Variants in CSMD1 observed in about 807,000 individuals in gnomAD.
CSMD1 encodes CUB and Sushi multiple domains 1.
In CSMD1, 213 loss-of-function variants were observed where a neutral mutation model predicts 417.5. That is an observed-to-expected ratio of 0.51 (90% CI 0.46 to 0.57). The LOEUF is 0.57. Ranked by LOEUF, CSMD1 falls within the 20% of genes least tolerant of loss-of-function variation. The pLI is 0.00. For missense variants in CSMD1, 6,923 were observed against 4,529.7 expected (o/e 1.53, Z -15.17); for synonymous variants, 2,862 against 1,736.8 (o/e 1.65, Z -16.11).
At chr8:3,974,328 G>A (rs974037950) in intron 5 of CSMD1, among the ~76,000 whole-genome samples, 7 of 150,922 alleles carry the variant, frequency 4.6e-5, no homozygotes, top group African/African-American at 9.8e-5. Context: ...TGCCCCTTAA[G>A]CACTGTTTGA....
At chr8:4,517,534 A>C (rs935808238) in intron 2 of CSMD1, among the ~76,000 whole-genome samples, 1 of 152,230 alleles carries the variant, frequency 6.6e-6, no homozygotes, top group Non-Finnish European at 1.5e-5. Flanking sequence ...ACTGATTTCT[A>C]ACTCCCTTTA....
intron 26 of CSMD1, among the ~76,000 whole-genome samples, chr8:3,282,385 TG>T: frequency 6.6e-6 from 1 of 152,182 alleles, no homozygotes; most frequent in South Asian, 2.1e-4. Flanking sequence ...TAAAACCTGT[TG>T]AAAAAAATGC....
At chr8:3,293,440 C>G (rs1162488740) in intron 25 of CSMD1, among the ~76,000 whole-genome samples, 2 of 152,216 alleles carry the variant, frequency 1.3e-5, no homozygotes, top group Admixed American at 6.5e-5. Context: ...TGGTTCCATT[C>G]TCCCTGTCAC....
At chr8:3,948,768 A>G (rs959095182) in intron 5 of CSMD1, among the ~76,000 whole-genome samples, 6 of 152,226 alleles carry the variant, frequency 3.9e-5, no homozygotes, top group African/African-American at 1.2e-4. Context: ...GCATTTCTTC[A>G]ATATGACTAT....
In CSMD1 at chr8:4,096,771, A is replaced by C. The variant is rs533109878; in HGVS notation, c.416-64672T>G. 2.2e-4 allele frequency among the ~76,000 whole-genome samples: 33 copies of C among 151,152 alleles called. No homozygotes were observed. The East Asian group carries it at 6.2e-3, about 28-fold the overall frequency. ...TATGAGTTTTTTCCCTGCAATTTAG[A>C]AGACACTTGCGGAGTTGCACTCCGA... On this transcript the variant is annotated intron_variant, in intron 3 of 69. Transcript: ENST00000635120.
intron 1 of CSMD1, among the ~76,000 whole-genome samples, chr8:4,933,425 C>G (rs541286186): frequency 1.3e-5 from 2 of 152,260 alleles, no homozygotes; most frequent in African/African-American, 4.8e-5. Context: ...TATTTTGGGT[C>G]TTTGTGTCAA....
intron 5 of CSMD1, among the ~76,000 whole-genome samples, chr8:3,799,598 G>C (rs1240138186): frequency 1.3e-5 from 2 of 151,508 alleles, no homozygotes; most frequent in Non-Finnish European, 2.9e-5. Context: ...ACTTTTCATT[G>C]GTACAGTAAA....
At chr8:4,164,550 G>C (rs1020245093) in intron 3 of CSMD1, among the ~76,000 whole-genome samples, 2 of 152,028 alleles carry the variant, frequency 1.3e-5, no homozygotes, top group Non-Finnish European at 2.9e-5. Context: ...TGTTGTATAA[G>C]CCACCAAGCC....
At position 2,965,925 on chromosome 8, in the gene CSMD1, C is replaced by T. The variant is rs756868753; in HGVS notation, c.9130G>A (p.Ala3044Thr). ...IISCGDPGTL[A>T]NGIQFGTDFT... ...TCGGTCCCAAACTGGATGCCATTTG[C>T]TAGTGTGCCTGGATCCCCACAACTT... Residue 3044 changes from alanine (A) to threonine (T), a missense_variant, in exon 59 of 70, where the codon GCA (alanine) becomes ACA (threonine). Ala to Thr is a moderately conservative substitution (Grantham distance 58, BLOSUM62 0). Coordinates refer to ENST00000635120, the MANE Select transcript of CSMD1 (RefSeq NM_033225.6). 1 of 1,608,676 alleles carries T rather than the reference C, an allele frequency of 6.2e-7. No homozygotes were observed. Among genetic ancestry groups the T allele is most frequent in the Non-Finnish European group, 8.5e-7 (1 of 1,177,530 alleles).
At chr8:3,430,255 A>G (rs1814132034) in intron 12 of CSMD1, among the ~76,000 whole-genome samples, 1 of 152,164 alleles carries the variant, frequency 6.6e-6, no homozygotes, top group Non-Finnish European at 1.5e-5. Flanking sequence ...TTATTACATC[A>G]TTATTATCAA....
chr8:4,619,873 G>C (rs774069039), intron 2 of CSMD1, among the ~76,000 whole-genome samples: 15 of 151,870 alleles, frequency 9.9e-5, no homozygotes, highest in Non-Finnish European at 1.9e-4. Context: ...GTCATTTTAG[G>C]ACAATTACAG....
chr8:4,175,883 C>T (rs1798011128), intron 3 of CSMD1, among the ~76,000 whole-genome samples: 1 of 152,028 alleles, frequency 6.6e-6, no homozygotes, highest in Non-Finnish European at 1.5e-5. Flanking sequence ...TAATGGGGTC[C>T]AGTTGATTTC....
At chr8:4,082,334 T>C (rs1585274569) in intron 3 of CSMD1, among the ~76,000 whole-genome samples, 1 of 152,192 alleles carries the variant, frequency 6.6e-6, no homozygotes, top group South Asian at 2.1e-4. Context: ...ACAAACTTTT[T>C]TAAAGTTAAA....
At chr8:4,830,686 T>C (rs948886018) in intron 1 of CSMD1, among the ~76,000 whole-genome samples, 2 of 152,232 alleles carry the variant, frequency 1.3e-5, no homozygotes, top group Admixed American at 1.3e-4. Context: ...TGCCAACTAA[T>C]GCCAATGGCA....
Position 4,193,322 on chromosome 8 carries a change from G to A in CSMD1, c.416-161223C>T, listed in dbSNP as rs545725590. Reference sequence around the variant, plus strand: ...CCATAATGAAAACCTTGCTTTCAAAGAACGTCCTCCAATAAAAAAAATACT... The same window carrying A: ...CCATAATGAAAACCTTGCTTTCAAAAAACGTCCTCCAATAAAAAAAATACT... On this transcript the variant is annotated intron_variant, in intron 3 of 69. Transcript: ENST00000635120. Among the ~76,000 whole-genome samples the A allele has an allele frequency of 1.8e-4, 28 of 152,064 alleles. No individual in the cohort carries two copies. In the South Asian group the frequency reaches 4.8e-3, roughly 26 times the overall value.
At chr8:3,935,670 G>C (rs1446045238) in intron 5 of CSMD1, among the ~76,000 whole-genome samples, 1 of 152,148 alleles carries the variant, frequency 6.6e-6, no homozygotes, top group Non-Finnish European at 1.5e-5. Context: ...CAATAAATGT[G>C]TGTGTTCTGA....
intron 12 of CSMD1, among the ~76,000 whole-genome samples, chr8:3,426,361 A>G (rs1813839501): frequency 6.6e-6 from 1 of 152,212 alleles, no homozygotes; most frequent in Non-Finnish European, 1.5e-5. Flanking sequence ...CATGAGACTC[A>G]TAGATACTTG....
intron 10 of CSMD1, among the ~76,000 whole-genome samples, chr8:3,498,340 C>G (rs538081935): frequency 3.9e-5 from 6 of 152,162 alleles, no homozygotes; most frequent in Admixed American, 6.5e-5. Flanking sequence ...GTTTAACGAT[C>G]AAATCAGGAG....
At chr8:4,456,109 A>C (rs1378559816) in intron 2 of CSMD1, among the ~76,000 whole-genome samples, 1 of 150,966 alleles carries the variant, frequency 6.6e-6, no homozygotes, top group Non-Finnish European at 1.5e-5. Context: ...GCACACTTAA[A>C]ATAAGAAGGA....
Sources: allele counts gnomAD v4.1 joint callset (sites outside exome capture counted in the v4.1 genomes callset), GRCh38; gene constraint gnomAD v4.1.1; transcripts MANE v1.5; gene names NCBI Gene and HGNC (gene_info 2026-07-23, HGNC 2026-07-21).